Variants in EME1 observed in about 807,000 individuals in gnomAD.
EME1 encodes the protein structure-specific endonuclease subunit EME1.
In EME1, 61 loss-of-function variants were observed where a neutral mutation model predicts 59.1. That is an observed-to-expected ratio of 1.03 (90% confidence interval 0.84 to 1.28). The LOEUF (loss-of-function observed/expected upper bound fraction) is 1.28, where lower values mean the gene tolerates loss of function less well. EME1 is among the 50% of genes most tolerant of loss of function. The pLI is 0.00. For missense variants in EME1, 635 were observed against 682.6 expected, an observed-to-expected ratio of 0.93 and a Z score of 0.78; for synonymous variants, 230 against 254.2, an observed-to-expected ratio of 0.90 and a Z score of 0.90.
At chr17:50,376,466 A>G (rs1913477725) in intron 3 of EME1, among the ~76,000 whole-genome samples, 1 of 152,156 alleles carries the variant, frequency 6.6e-6, no homozygotes. Context: ...TTTAGATTGG[A>G]GAATTCTTTG....
Position 50,375,989 on chromosome 17 carries a change from C to T in EME1, c.775+6C>T, listed in dbSNP as rs1314815521. ...CATTGTAGTGCTGGATCCAGGTCCT[C>T]ACATGTGTCTTTGTCCTGTGCTGAG... On this transcript the variant is annotated splice_donor_region_variant and intron_variant, in intron 2 of 8. Transcript: ENST00000338165. 3 of 1,605,396 alleles carry T rather than the reference C, an allele frequency of 1.9e-6. No individual in the cohort carries two copies. The highest frequency in any genetic ancestry group is 1.7e-6 in the Non-Finnish European group (2 of 1,173,804).
At position 50,378,640 on chromosome 17, in the gene EME1, C is replaced by A. The variant is rs368608565; in HGVS notation, c.949C>A (p.Arg317=). The change falls in exon 4 of 9, where the codon CGG becomes AGG. Residue 317 remains arginine, a synonymous_variant. Transcript: ENST00000338165. ...VEEPTVLVLL[R]AEAFVSMIDN... Reference sequence around the variant, plus strand: ...GGAGCCAACAGTACTGGTGTTGCTCCGGGCAGAGGCATTTGTGTCCATGAT... The same window carrying A: ...GGAGCCAACAGTACTGGTGTTGCTCAGGGCAGAGGCATTTGTGTCCATGAT... 6.2e-7 allele frequency: 1 copy of A among 1,614,016 alleles called. No individual in the cohort carries two copies. The highest frequency in any genetic ancestry group is 2.2e-5 in the East Asian group (1 of 44,872).
intron 6 of EME1, 74 bp from the exon 7 acceptor site, chr17:50,379,378 G>C: frequency 6.3e-7 from 1 of 1,589,366 alleles, no homozygotes; most frequent in Non-Finnish European, 8.6e-7. Context: ...GCTGGGGTGT[G>C]GCTTTAGTGG....
intron 1 of EME1, among the ~76,000 whole-genome samples, chr17:50,374,703 T>G (rs1390230759): frequency 6.6e-6 from 1 of 151,998 alleles, no homozygotes; most frequent in African/African-American, 2.4e-5. Flanking sequence ...AATACAAAAA[T>G]TAGCCAGGTG....
Position 50,380,756 on chromosome 17 carries a change from C to G in EME1, c.1537-7C>G. On this transcript the variant is annotated splice_polypyrimidine_tract_variant and splice_region_variant and intron_variant, in intron 8 of 8. Transcript: ENST00000338165. ...TACCATATTAAGAGGTCATCTACCA[C>G]TTCCAGGCTTATCAGCAGTGTTTTT... The G allele has an allele frequency of 1.9e-6, 3 of 1,613,934 alleles. No homozygotes were observed. Among genetic ancestry groups the G allele is most frequent in the South Asian group, 2.2e-5 (2 of 91,068 alleles).
At position 50,379,540 on chromosome 17, in the gene EME1, C is replaced by T; in HGVS notation, c.1319C>T (p.Thr440Ile). Residue 440 changes from threonine (T) to isoleucine (I), a missense_variant, in exon 7 of 9, where the codon ACA (threonine) becomes ATA (isoleucine). Coordinates refer to ENST00000338165, the MANE Select transcript of EME1 (RefSeq NM_152463.4). ...CTGGCCGACTTCACATGCGCATTCA[C>T]AAAGGCTGTGGCTGAGGCGCCCTTC... is the stretch of plus-strand genomic sequence containing the variant. ...KELADFTCAF[T>I]KAVAEAPFKK... The T allele has an allele frequency of 1.2e-6, 2 of 1,614,192 alleles. No individual in the cohort carries two copies. Among genetic ancestry groups the T allele is most frequent in the Non-Finnish European group, 1.7e-6 (2 of 1,180,026 alleles).
In EME1 at chr17:50,375,338, A is replaced by G; in HGVS notation, c.130A>G (p.Ile44Val). ...GAGACAGCCTGAAAGGGAAGAGAAG[A>G]TTGTAGTGGTTGACATCTCAGATTG... ...KRRQPEREEK[I>V]VVVDISDCEA... Residue 44 changes from isoleucine to valine, a missense_variant, in exon 2 of 9, where the codon ATT becomes GTT. Coordinates refer to ENST00000338165, the MANE Select transcript of EME1 (RefSeq NM_152463.4). The G allele has an allele frequency of 6.2e-7, 1 of 1,614,208 alleles. No individual in the cohort carries two copies. Among genetic ancestry groups the G allele is most frequent in the Non-Finnish European group, 8.5e-7 (1 of 1,180,036 alleles).
At position 50,375,475 on chromosome 17, in the gene EME1, T is replaced by G; in HGVS notation, c.267T>G (p.Asp89Glu). Residue 89 changes from aspartate (D) to glutamate (E), a missense_variant, in exon 2 of 9, where the codon GAT (aspartate) becomes GAG (glutamate). Transcript: ENST00000338165. ...GGTTGCTAAGCAGTGAAAGTGAAGATGAAGAAGAATTTATTCCTCTGGCTC... is the reference window on the plus strand; with the variant it reads ...GGTTGCTAAGCAGTGAAAGTGAAGAGGAAGAAGAATTTATTCCTCTGGCTC... ...PVRLLSSESE[D>E]EEEFIPLAQR... The G allele has an allele frequency of 4.3e-6, 7 of 1,613,980 alleles. No homozygotes were observed. The highest frequency in any genetic ancestry group is 5.9e-6 in the Non-Finnish European group (7 of 1,179,950).
chr17:50,374,796 A>G (rs1328571798), intron 1 of EME1, among the ~76,000 whole-genome samples: 1 of 151,930 alleles, frequency 6.6e-6, no homozygotes, highest in Non-Finnish European at 1.5e-5. Context: ...GTGAGCCAAG[A>G]TTGTGCCACT....
At chr17:50,380,142 A>G (rs764552800) in intron 7 of EME1, 170 bp from the exon 8 acceptor site, 16 of 618,392 alleles carry the variant, frequency 2.6e-5, no homozygotes, top group Non-Finnish European at 3.9e-5. Flanking sequence ...AACTGGCCCT[A>G]TACCTGGCAA....
chr17:50,379,310 C>A, intron 6 of EME1, 86 bp downstream of exon 6: 2 of 1,596,950 alleles, frequency 1.3e-6, no homozygotes, highest in Admixed American at 1.7e-5. Flanking sequence ...ATGCCTGCTG[C>A]GTACTGTTTT....
chr17:50,380,420 G>C lies in EME1; in HGVS notation c.1455G>C (p.Gln485His). 1 of 1,614,222 alleles carries C rather than the reference G, an allele frequency of 6.2e-7. No individual in the cohort carries two copies. Among genetic ancestry groups the C allele is most frequent in the South Asian group, 1.1e-5 (1 of 91,090 alleles). ...GACTCGCACTAGTCTGGAGGAGACAGATTCAGCAGCTGAACCGAGTCAGCC... is the reference window on the plus strand; with the variant it reads ...GACTCGCACTAGTCTGGAGGAGACACATTCAGCAGCTGAACCGAGTCAGCC... ...GRGLALVWRR[Q>H]IQQLNRVSLE... is the part of the protein sequence containing the mutation. Residue 485 changes from glutamine (Q) to histidine (H), a missense_variant, in exon 8 of 9, where the codon CAG (glutamine) becomes CAC (histidine). By Grantham distance (24) the Gln-to-His change is conservative. Transcript: ENST00000338165.
chr17:50,379,601 G>C (rs754759227), intron 7 of EME1, 34 bp downstream of exon 7: 15 of 1,584,196 alleles, frequency 9.5e-6, no homozygotes, highest in Middle Eastern at 1.8e-4. Flanking sequence ...CCTCCATGCT[G>C]GGCCTGTCCT....
rs1265288963 is a variant in EME1, at chr17:50,375,463, T to A, written c.255T>A (p.Ser85Arg). ...CACAGCCAGTCAGGTTGCTAAGCAGTGAAAGTGAAGATGAAGAAGAATTTA... is the reference window on the plus strand; with the variant it reads ...CACAGCCAGTCAGGTTGCTAAGCAGAGAAAGTGAAGATGAAGAAGAATTTA... The part of the protein sequence containing the change: ...TQTQPVRLLS[S>R]ESEDEEEFIP... Residue 85 changes from serine (S) to arginine (R), a missense_variant, in exon 2 of 9, where the codon AGT becomes AGA. Coordinates refer to ENST00000338165, the MANE Select transcript of EME1 (RefSeq NM_152463.4). 1 of 1,613,900 alleles carries A rather than the reference T, an allele frequency of 6.2e-7. No individual in the cohort carries two copies. Among genetic ancestry groups the A allele is most frequent in the Non-Finnish European group, 8.5e-7 (1 of 1,179,968 alleles).
intron 7 of EME1, 42 bp downstream of exon 7, chr17:50,379,609 C>T (rs1274067716): frequency 6.5e-7 from 1 of 1,546,130 alleles, no homozygotes; most frequent in South Asian, 1.1e-5. Flanking sequence ...CTGGGCCTGT[C>T]CTTTACCATG....
In EME1 at chr17:50,379,083, C is replaced by G. The variant is rs559954810; in HGVS notation, c.1113-24C>G. On this transcript the variant is annotated intron_variant, in intron 5 of 8. Transcript: ENST00000338165. Reference sequence around the variant, plus strand: ...CTGACTTCAGCCTGGAGCTGCTGTTCTTTGATTTCCTCCCCTGCACCAGTG... The same window carrying G: ...CTGACTTCAGCCTGGAGCTGCTGTTGTTTGATTTCCTCCCCTGCACCAGTG... 8.7e-6 allele frequency: 14 copies of G among 1,614,076 alleles called. 1 individual carries two copies. In the South Asian group the frequency reaches 1.3e-4, roughly 15 times the overall value.
intron 3 of EME1, among the ~76,000 whole-genome samples, chr17:50,377,102 G>T (rs928639513): frequency 3.3e-5 from 5 of 152,072 alleles, no homozygotes; most frequent in South Asian, 2.1e-4. Context: ...TAAGAAAAAA[G>T]ATTTTTTTTT....
chr17:50,380,344 G>A lies in EME1; in HGVS notation c.1379G>A (p.Cys460Tyr). 6.8e-6 allele frequency: 11 copies of A among 1,613,064 alleles called. No homozygotes were observed. Among genetic ancestry groups the A allele is most frequent in the Non-Finnish European group, 9.3e-6 (11 of 1,179,488 alleles). Residue 460 changes from cysteine (C) to tyrosine (Y), a missense_variant, in exon 8 of 9, where the codon TGT (cysteine) becomes TAT (tyrosine). By Grantham distance (194) the Cys-to-Tyr change is radical. Coordinates refer to ENST00000338165, the MANE Select transcript of EME1 (RefSeq NM_152463.4). Reference protein sequence around the residue: ...KLRDETTFSFCLESDWAGGVK... With the variant: ...KLRDETTFSFYLESDWAGGVK... ...CGAGATGAAACTACCTTCTCCTTCT[G>A]TCTGGAGAGTGACTGGGCTGGAGGG... is the stretch of plus-strand genomic sequence containing the variant.
Position 50,375,280 on chromosome 17 carries a change from C to G in EME1, c.72C>G (p.Ala24=), listed in dbSNP as rs1330952747. 1.2e-5 allele frequency: 20 copies of G among 1,614,052 alleles called. No homozygotes were observed. In the Admixed American group the frequency reaches 3.2e-4, roughly 26 times the overall value. Residue 24 remains alanine (A), a synonymous_variant, in exon 2 of 9, where the codon GCC becomes GCG. Coordinates refer to ENST00000338165, the MANE Select transcript of EME1 (RefSeq NM_152463.4). ...ACTCTGAGGAGTTGCCAACATTTGC[C>G]TTTCTGAAGAAGGAACCATCTTCAA... ...DSDSEELPTF[A]FLKKEPSSTK...
Sources: gnomAD v4.1 joint callset for allele counts (sites outside exome capture counted in the v4.1 genomes callset) on GRCh38, gnomAD v4.1.1 for gene constraint, MANE v1.5 for transcripts, NCBI Gene and HGNC (gene_info 2026-07-23, HGNC 2026-07-21) for gene names.